Variants in AP3D1 observed in about 807,000 individuals in gnomAD.
AP3D1 encodes AP-3 complex subunit delta-1.
In AP3D1, 51 loss-of-function variants were observed where a neutral mutation model predicts 147.6. The observed-to-expected ratio is 0.35, with a 90% CI of 0.28 to 0.44. The LOEUF (loss-of-function observed/expected upper bound fraction) is 0.44, where lower values mean the gene tolerates loss of function less well. Ranked by LOEUF, AP3D1 falls within the 20% of genes least tolerant of loss-of-function variation. The pLI is 1.00. For synonymous variants in AP3D1, 760 were observed against 663.0 expected, an observed-to-expected ratio of 1.15 and a Z score of -2.25; for missense variants, 1,421 against 1,624.2, an observed-to-expected ratio of 0.87 and a Z score of 2.15.
intron 4 of AP3D1, among the ~76,000 whole-genome samples, chr19:2,135,679 T>A (rs2019057142): frequency 6.6e-6 from 1 of 151,990 alleles, no homozygotes; most frequent in Admixed American, 6.6e-5. Flanking sequence ...AGGCACCAGG[T>A]CAGAGCCGCG....
At chr19:2,107,889 C>T (rs978937470) in intron 31 of AP3D1, among the ~76,000 whole-genome samples, 1 of 152,212 alleles carries the variant, frequency 6.6e-6, no homozygotes, top group African/African-American at 2.4e-5. Flanking sequence ...CACGCGTCAA[C>T]TCAGTGACTG....
chr19:2,110,577 A>C, intron 27 of AP3D1, 130 bp downstream of exon 27: 1 of 986,412 alleles, frequency 1.0e-6, no homozygotes, highest in Non-Finnish European at 1.5e-6. Context: ...CTCAGGAGGT[A>C]CTGAGGTGCA....
chr19:2,123,020 T>C (rs1374798459), intron 11 of AP3D1, among the ~76,000 whole-genome samples: 1 of 152,264 alleles, frequency 6.6e-6, no homozygotes, highest in East Asian at 1.9e-4. Context: ...ATGCAGAGGC[T>C]GAAATATCCA....
rs576623883 is a variant in AP3D1 at position 2,157,210 on chromosome 19, A to G, written c.-103+7146T>C. 2.6e-5 allele frequency among the ~76,000 whole-genome samples: 4 copies of G among 151,692 alleles called. No homozygotes were observed. The South Asian group carries it at 8.3e-4, about 32-fold the overall frequency. ...GTAATCCCAGCACTTTGGGAGGCCG[A>G]GGCGGGCGGATCACGAGGTCAGGAG... On this transcript the variant is annotated intron_variant, in intron 1 of 14. Transcript: ENST00000643010.
intron 13 of AP3D1, 26 bp downstream of exon 13, chr19:2,121,137 G>A: frequency 6.2e-7 from 1 of 1,613,858 alleles, no homozygotes; most frequent in Non-Finnish European, 8.5e-7. Flanking sequence ...GGAACCCCCG[G>A]CCACACCCCT....
At chr19:2,131,513 G>T (rs79902899) in intron 5 of AP3D1, among the ~76,000 whole-genome samples, 1,518 of 71,420 alleles carry the variant, frequency 0.021, 212 homozygotes, top group Middle Eastern at 0.056. Flanking sequence ...GAGGGGACAG[G>T]GCCCATCGGC....
At chr19:2,136,951 A>G in intron 4 of AP3D1, 60 bp downstream of exon 4, 1 of 1,478,748 alleles carries the variant, frequency 6.8e-7, no homozygotes, top group South Asian at 1.2e-5. Flanking sequence ...TGGGAACCAG[A>G]CGCTCCGGCA....
At chr19:2,160,179 T>G (rs2144606021) in intron 1 of AP3D1, among the ~76,000 whole-genome samples, 1 of 152,214 alleles carries the variant, frequency 6.6e-6, no homozygotes, top group Non-Finnish European at 1.5e-5. Flanking sequence ...GTTTCAAACC[T>G]GTAACAGGAA....
Position 2,115,687 on chromosome 19 carries a change from A to G in AP3D1, c.2074-74T>C. The G allele has an allele frequency of 4.0e-6, 6 of 1,481,846 alleles. No homozygotes were observed. In the South Asian group the frequency reaches 7.2e-5, roughly 18 times the overall value. The allele number at this position is 1,481,846 out of a possible 1,614,324, so 91.8% of individuals were successfully genotyped here. A position where few individuals can be genotyped will look rare whatever the true frequency, so the allele number is the denominator to read the frequency against. On this transcript the variant is annotated intron_variant, in intron 18 of 31. Transcript: ENST00000643116. Reference sequence around the variant, plus strand: ...CGTGCAAGACAAGCCTCGGGGATGCAGGGAGCGTGACGCAGCCCCAACATC... The same window carrying G: ...CGTGCAAGACAAGCCTCGGGGATGCGGGGAGCGTGACGCAGCCCCAACATC...
At chr19:2,113,072 C>A (rs966396839) in intron 23 of AP3D1, 105 bp from the exon 24 acceptor site, 22 of 821,164 alleles carry the variant, frequency 2.7e-5, no homozygotes, top group Non-Finnish European at 3.8e-5. Context: ...GCCCTCACGC[C>A]TGCCTGAGAG....
At chr19:2,130,630 C>G in intron 5 of AP3D1, 93 bp from the exon 6 acceptor site, 9 of 1,557,890 alleles carry the variant, frequency 5.8e-6, no homozygotes, top group Non-Finnish European at 7.9e-6. Flanking sequence ...AGAGGAGATG[C>G]CCTCCAGCCC....
intron 4 of AP3D1, 148 bp from the exon 5 acceptor site, chr19:2,132,726 C>A: frequency 1.7e-6 from 1 of 602,930 alleles, no homozygotes. Flanking sequence ...CCTTAGCACC[C>A]CTGCTGCTGA....
chr19:2,144,203 C>T (rs982137187), intron 1 of AP3D1, among the ~76,000 whole-genome samples: 1 of 152,218 alleles, frequency 6.6e-6, no homozygotes, highest in East Asian at 1.9e-4. Flanking sequence ...ACCATCACTT[C>T]GAATTCAAAC....
rs540293168 is a variant in AP3D1, at chr19:2,137,898, C to T, written c.193-91G>A. ...GCATCAAGCGCTCCCTCCCAGCACACGGTGCTGGAACAGACTCATTCACTG... is the reference window on the plus strand; with the variant it reads ...GCATCAAGCGCTCCCTCCCAGCACATGGTGCTGGAACAGACTCATTCACTG... On this transcript the variant is annotated intron_variant, in intron 2 of 31. Coordinates refer to ENST00000643116, the MANE Select transcript of AP3D1 (RefSeq NM_001261826.3). 87 of 1,104,130 alleles carry T rather than the reference C, an allele frequency of 7.9e-5. No individual in the cohort carries two copies. In the Middle Eastern group the frequency reaches 8.6e-4, roughly 11 times the overall value. 68.4% of individuals were successfully genotyped at this position (1,104,130 alleles called of 1,614,324 possible).
chr19:2,159,831 G>T (rs2019681466), intron 1 of AP3D1, among the ~76,000 whole-genome samples: 1 of 151,492 alleles, frequency 6.6e-6, no homozygotes. Context: ...CTCCAGAGTA[G>T]CTGGGACTAT....
intron 1 of AP3D1, among the ~76,000 whole-genome samples, chr19:2,157,513 C>T (rs112200234): frequency 1.3e-4 from 20 of 151,406 alleles, no homozygotes; most frequent in African/African-American, 4.9e-4. Flanking sequence ...ACCTATCCAC[C>T]CATACAGTAA....
At chr19:2,127,315 T>A in intron 8 of AP3D1, 114 bp from the exon 9 acceptor site, 1 of 1,174,276 alleles carries the variant, frequency 8.5e-7, no homozygotes, top group Non-Finnish European at 1.2e-6. Flanking sequence ...TCAGGGAGTG[T>A]GCCCCAGGAG....
In AP3D1 at chr19:2,108,690, T is replaced by C; in HGVS notation, c.3549A>G (p.Lys1183=). The part of the protein sequence containing the change: ...IQGHHVCLLV[K]KGENSVSVDG... ...TGCACAGCAGCCCGAGGCTCACCTTTTTCACCAGGAGGCAGACATGGTGGC... is the reference window on the plus strand; with the variant it reads ...TGCACAGCAGCCCGAGGCTCACCTTCTTCACCAGGAGGCAGACATGGTGGC... Residue 1183 remains lysine (K), a synonymous_variant, in exon 31 of 32, where the codon AAA becomes AAG. Transcript: ENST00000643116. 6.3e-7 allele frequency: 1 copy of C among 1,578,336 alleles called. No individual in the cohort carries two copies. Among genetic ancestry groups the C allele is most frequent in the Non-Finnish European group, 8.6e-7 (1 of 1,162,474 alleles).
chr19:2,120,397 G>A (rs1324470742), intron 14 of AP3D1, among the ~76,000 whole-genome samples: 1 of 152,106 alleles, frequency 6.6e-6, no homozygotes, highest in Non-Finnish European at 1.5e-5. Context: ...TGCCTCCAGA[G>A]GGGCCTGGCG....
Sources: allele counts gnomAD v4.1 joint callset (sites outside exome capture counted in the v4.1 genomes callset), GRCh38; gene constraint gnomAD v4.1.1; transcripts MANE v1.5; gene names NCBI Gene and HGNC (gene_info 2026-07-23, HGNC 2026-07-21).